SHANK2: variants seen among roughly 807,000 people sequenced by gnomAD.
SHANK2 encodes the protein SH3 and multiple ankyrin repeat domains 2, also known as SH3 and multiple ankyrin repeat domains protein 2.
Under a neutral mutation model 133.7 loss-of-function variants are expected in SHANK2, and 43 were observed. That is an observed-to-expected ratio of 0.32 (90% CI 0.25 to 0.41). SHANK2 has a LOEUF of 0.41. Among genes scored for constraint, SHANK2 ranks in the 10% least tolerant of loss-of-function variants. The probability of loss-of-function intolerance (pLI) is 1.00; values close to 1 mark genes in which losing one functional copy is unlikely to be tolerated. For synonymous variants in SHANK2, 1,017 were observed against 952.8 expected (o/e 1.07, Z -1.24); for missense variants, 1,994 against 2,235.8 (o/e 0.89, Z 2.18).
intron 17 of SHANK2, among the ~76,000 whole-genome samples, chr11:70,625,159 T>C (rs1435289364): frequency 1.3e-5 from 2 of 151,706 alleles, no homozygotes; most frequent in African/African-American, 2.4e-5. Context: ...GGGGGCAGAG[T>C]CCAGGAGGGT....
chr11:70,930,835 G>A (rs868988322), intron 10 of SHANK2, among the ~76,000 whole-genome samples: 12 of 120,378 alleles, frequency 1.0e-4, no homozygotes, highest in Non-Finnish European at 1.6e-4. Flanking sequence ...CACACCCAGC[G>A]GTTTTTTTTT....
At chr11:70,753,084 A>G (rs1383932935) in intron 14 of SHANK2, among the ~76,000 whole-genome samples, 1 of 151,906 alleles carries the variant, frequency 6.6e-6, no homozygotes, top group Non-Finnish European at 1.5e-5. Context: ...CTGCACTCCA[A>G]CCTGGGTAAC....
chr11:70,662,795 C>T (rs782767996), intron 15 of SHANK2, among the ~76,000 whole-genome samples: 7 of 152,126 alleles, frequency 4.6e-5, no homozygotes, highest in Admixed American at 1.3e-4. Flanking sequence ...ATCCAGCCCC[C>T]GAGGCACCCA....
intron 2 of SHANK2, among the ~76,000 whole-genome samples, chr11:71,170,919 G>A (rs905684916): frequency 6.6e-6 from 1 of 152,204 alleles, no homozygotes; most frequent in African/African-American, 2.4e-5. Flanking sequence ...CAGCTCTGCC[G>A]CCATCACAGA....
intron 14 of SHANK2, among the ~76,000 whole-genome samples, chr11:70,725,859 C>G (rs1464732196): frequency 6.6e-6 from 1 of 152,214 alleles, no homozygotes; most frequent in African/African-American, 2.4e-5. Context: ...GAACAGCCAC[C>G]TTCTAAGCTG....
At chr11:70,504,084 C>T (rs548312790) in intron 17 of SHANK2, among the ~76,000 whole-genome samples, 7 of 152,362 alleles carry the variant, frequency 4.6e-5, no homozygotes, top group African/African-American at 1.4e-4. Flanking sequence ...GTGAAGTTTA[C>T]AGCTGCTTCA....
chr11:70,914,223 T>A lies in SHANK2; in HGVS notation c.1108-17656A>T, dbSNP rs534665535. 2.6e-5 allele frequency among the ~76,000 whole-genome samples: 4 copies of A among 152,128 alleles called. No homozygotes were observed. The East Asian group carries it at 5.8e-4, about 22-fold the overall frequency. On this transcript the variant is annotated intron_variant, in intron 10 of 25. Transcript: ENST00000601538. ...TCCGGAAATCGGGCTCTGGGGCTCA[T>A]ACAGAGCCACAGGAACAAGTGTGCA... is the stretch of plus-strand genomic sequence containing the variant.
chr11:70,761,771 A>G (rs1401269829), intron 14 of SHANK2, among the ~76,000 whole-genome samples: 1 of 152,240 alleles, frequency 6.6e-6, no homozygotes, highest in African/African-American at 2.4e-5. Context: ...GGCCACGTTG[A>G]GTGGCAAGAT....
At chr11:70,645,164 T>C (rs2061242977) in intron 17 of SHANK2, among the ~76,000 whole-genome samples, 1 of 152,056 alleles carries the variant, frequency 6.6e-6, no homozygotes, top group Admixed American at 6.6e-5. Context: ...TGGGCCGAGA[T>C]CACGCCACTG....
intron 17 of SHANK2, among the ~76,000 whole-genome samples, chr11:70,642,325 A>C (rs1278125275): frequency 7.0e-6 from 1 of 142,396 alleles, no homozygotes; most frequent in Non-Finnish European, 1.5e-5. Context: ...TCAAATTTAA[A>C]TCCAGAATCG....
At chr11:71,187,746 T>C (rs2135568275) in intron 2 of SHANK2, among the ~76,000 whole-genome samples, 1 of 151,716 alleles carries the variant, frequency 6.6e-6, no homozygotes, top group East Asian at 2.0e-4. Flanking sequence ...ACTCTGCCTT[T>C]TTCTGGCCCA....
Position 71,131,273 on chromosome 11 carries a change from C to T in SHANK2, c.208-12241G>A, listed in dbSNP as rs190039756. Reference sequence around the variant, plus strand: ...GGTGGCAAACACTAAAACCCCGGCACGGGTAACACACGAAGCTGAAATCAG... The same window carrying T: ...GGTGGCAAACACTAAAACCCCGGCATGGGTAACACACGAAGCTGAAATCAG... On this transcript the variant is annotated intron_variant, in intron 3 of 25. Transcript: ENST00000601538. Among the ~76,000 whole-genome samples, 554 of 152,280 alleles carry T rather than the reference C, an allele frequency of 3.6e-3. 2 individuals carry two copies. The highest frequency in any genetic ancestry group is 6.6e-3 in the Non-Finnish European group (446 of 68,028).
At position 70,744,351 on chromosome 11, in the gene SHANK2, C is replaced by T. The variant is rs545937006; in HGVS notation, c.1778-45588G>A. 9.8e-5 allele frequency among the ~76,000 whole-genome samples: 15 copies of T among 152,290 alleles called. No homozygotes were observed. The East Asian group carries it at 2.7e-3, about 28-fold the overall frequency. ...CACCCTGCAGCAAGCATCACTGAGA[C>T]CCATGTGGGGAACCCTGCCGGGCCC... On this transcript the variant is annotated intron_variant, in intron 14 of 25. Transcript: ENST00000601538.
intron 5 of SHANK2, among the ~76,000 whole-genome samples, chr11:71,110,923 C>T (rs1019293493): frequency 6.6e-5 from 10 of 152,218 alleles, no homozygotes; most frequent in African/African-American, 1.7e-4. Context: ...GGATGAAGCC[C>T]TCGTGAATGG....
At chr11:70,784,208 G>A (rs1591841091) in intron 14 of SHANK2, among the ~76,000 whole-genome samples, 1 of 150,966 alleles carries the variant, frequency 6.6e-6, no homozygotes, top group South Asian at 2.1e-4. Context: ...ACAGAGTCTC[G>A]TTCTGTCACC....
chr11:70,849,595 G>C (rs1363542424), intron 11 of SHANK2, among the ~76,000 whole-genome samples: 1 of 152,158 alleles, frequency 6.6e-6, no homozygotes, highest in African/African-American at 2.4e-5. Flanking sequence ...AGGGATCACT[G>C]TGTGAGAACA....
In SHANK2 at chr11:70,830,617, G is replaced by C. The variant is rs949341843; in HGVS notation, c.1175-9935C>G. 6.6e-6 allele frequency among the ~76,000 whole-genome samples: 1 copy of C among 152,238 alleles called. No individual in the cohort carries two copies. Among genetic ancestry groups the C allele is most frequent in the Non-Finnish European group, 1.5e-5 (1 of 68,048 alleles). On this transcript the variant is annotated intron_variant, in intron 11 of 25. Coordinates refer to ENST00000601538, the MANE Select transcript of SHANK2 (RefSeq NM_012309.5). This position sits in a 1 kb window ranked among gnomAD's most constrained non-coding sequence, Gnocchi z 4.4. The stretch of plus-strand genomic sequence containing the variant: ...TAAAACAAGTATTCCGAGGATGACC[G>C]AGCGCTAGTGGTTGAGATGAAAATT...
At chr11:71,101,886 G>C (rs1555096701) in intron 6 of SHANK2, among the ~76,000 whole-genome samples, 1 of 152,168 alleles carries the variant, frequency 6.6e-6, no homozygotes, top group Non-Finnish European at 1.5e-5. Context: ...GAGGAGCTCA[G>C]CCTGGTATGC....
At chr11:71,130,230 G>C (rs1327637653) in intron 3 of SHANK2, among the ~76,000 whole-genome samples, 1 of 152,148 alleles carries the variant, frequency 6.6e-6, no homozygotes, top group Non-Finnish European at 1.5e-5. Flanking sequence ...ATGACCATGG[G>C]GCGAGTCTCT....
Sources: allele counts gnomAD v4.1 joint callset (sites outside exome capture counted in the v4.1 genomes callset), GRCh38; gene constraint gnomAD v4.1.1; non-coding constraint Gnocchi (gnomAD v3.1); transcripts MANE v1.5; gene names NCBI Gene and HGNC (gene_info 2026-07-23, HGNC 2026-07-21).